The following RNH1 variants were observed in gnomAD, a reference collection of about 807,000 sequenced individuals.
RNH1 encodes ribonuclease/angiogenin inhibitor 1, also known as ribonuclease inhibitor.
A neutral mutation model predicts 46.1 loss-of-function variants in RNH1; 38 were observed. That is an observed-to-expected ratio of 0.82 (90% CI 0.64 to 1.08). The LOEUF is 1.08. Among genes scored for constraint, RNH1 ranks in the 50% least tolerant of loss-of-function variants. The pLI is 0.00. For missense variants in RNH1, 577 were observed against 590.7 expected, an observed-to-expected ratio of 0.98 and a Z score of 0.24; for synonymous variants, 319 against 279.1, an observed-to-expected ratio of 1.14 and a Z score of -1.43.
chr11:506,222 CTT>C (rs1416843264), intron 1 of RNH1: 1 of 152,212 alleles, frequency 6.6e-6, no homozygotes, highest in Non-Finnish European at 1.5e-5. Context: ...TAAGACGACA[CTT>C]GAGACCGTTT....
At position 497,473 on chromosome 11, in the gene RNH1, G is replaced by GC. The variant is rs1264801932; in HGVS notation, c.1127+497dup. 3.8e-5 allele frequency among the ~76,000 whole-genome samples: 5 copies of GC among 130,960 alleles called. No individual in the cohort carries two copies. The Admixed American group carries it at 4.1e-4, about 11-fold the overall frequency. The allele number at this position is 130,960 out of a possible 152,430, so 85.9% of individuals were successfully genotyped here. On this transcript the variant is annotated intron_variant, in intron 9 of 10. Transcript: ENST00000354420. ...CTCACACACACTCGTGCTCCCTCTCGCCCATGTGCTCACACTCACACGGAC... is the reference window on the plus strand; with the variant it reads ...CTCACACACACTCGTGCTCCCTCTCGCCCCATGTGCTCACACTCACACGGAC...
In RNH1 at chr11:498,440, C is replaced by G. The variant is rs747324932; in HGVS notation, c.956+17G>C. The stretch of plus-strand genomic sequence containing the variant: ...CTCTCTTGGGCGACAGGGCCCTGCC[C>G]CGACAGCCACACTCACCACAGCGAC... On this transcript the variant is annotated intron_variant, in intron 8 of 10. Transcript: ENST00000354420. 1.9e-6 allele frequency: 3 copies of G among 1,610,556 alleles called. No individual in the cohort carries two copies. Among genetic ancestry groups the G allele is most frequent in the East Asian group, 2.2e-5 (1 of 44,878 alleles).
intron 9 of RNH1, among the ~76,000 whole-genome samples, chr11:496,467 A>C (rs187392758): frequency 6.6e-6 from 1 of 152,208 alleles, no homozygotes; most frequent in Non-Finnish European, 1.5e-5. Context: ...CAGGATATCA[A>C]GACCATACTG....
At chr11:499,254 CG>C in intron 5 of RNH1, 69 bp from the exon 6 acceptor site, 1 of 1,553,140 alleles carries the variant, frequency 6.4e-7, no homozygotes, top group Admixed American at 1.7e-5. Context: ...CCAGGGAGCA[CG>C]GGGTGTGCTG....
At chr11:497,864 ACACG>A in intron 9 of RNH1, 103 bp downstream of exon 9, 1 of 1,370,054 alleles carries the variant, frequency 7.3e-7, no homozygotes. Context: ...GCTCACATAC[ACACG>A]GACACTCGTG....
At chr11:504,491 G>C (rs532317212) in intron 2 of RNH1, 1 of 152,090 alleles carries the variant, frequency 6.6e-6, no homozygotes, top group African/African-American at 2.4e-5. Flanking sequence ...AGGCGGGGGC[G>C]GGCGGAGCCT....
At position 498,696 on chromosome 11, in the gene RNH1, G is replaced by A. The variant is rs529567422; in HGVS notation, c.785+67C>T. The A allele has an allele frequency of 5.6e-6, 9 of 1,597,496 alleles. No homozygotes were observed. In the East Asian group the frequency reaches 1.8e-4, roughly 32 times the overall value. On this transcript the variant is annotated intron_variant, in intron 7 of 10. Transcript: ENST00000354420. ...ATGGCCTGAGATGAGCCCAGGGGCG[G>A]GGGAGAGCTCTGAGGACGGCCCGCC...
Position 499,888 on chromosome 11 carries a change from C to G in RNH1, c.384G>C (p.Ala128=). 1 of 1,613,270 alleles carries G rather than the reference C, an allele frequency of 6.2e-7. No individual in the cohort carries two copies. The highest frequency in any genetic ancestry group is 8.5e-7 in the Non-Finnish European group (1 of 1,179,924). Residue 128 remains alanine, a synonymous_variant, in exon 5 of 11, where the codon GCG becomes GCC. Transcript: ENST00000354420. The part of the protein sequence containing the change: ...LHLSDNLLGD[A]GLQLLCEGLL... ...GTCCTTCGCAGAGCAGCTGCAGGCCCGCATCCCCCAAGAGGTTGTCGCTGA... is the reference window on the plus strand; with the variant it reads ...GTCCTTCGCAGAGCAGCTGCAGGCCGGCATCCCCCAAGAGGTTGTCGCTGA...
At chr11:499,615 A>G (rs1446018678) in intron 5 of RNH1, 4 of 726,670 alleles carry the variant, frequency 5.5e-6, no homozygotes, top group Non-Finnish European at 7.4e-6. Flanking sequence ...ATGGGGAGGG[A>G]GGGTGATGAC....
At position 502,408 on chromosome 11, in the gene RNH1, C is replaced by T. The variant is rs1849830635; in HGVS notation, c.-87-159G>A. ...CAGCACCCACCCCCAGAAAGGCCAC[C>T]ATGGGCAGCAGAGCTTGGGTAATGC... On this transcript the variant is annotated intron_variant, in intron 2 of 10. Coordinates refer to ENST00000354420, the MANE Select transcript of RNH1 (RefSeq NM_203387.3). The surrounding 1 kb of genome is among the most constrained non-coding windows in gnomAD (Gnocchi z 5.8). 1 of 570,352 alleles carries T rather than the reference C, an allele frequency of 1.8e-6. No individual in the cohort carries two copies. 35.3% of individuals were successfully genotyped at this position (570,352 alleles called of 1,614,324 possible). A position where few individuals can be genotyped will look rare whatever the true frequency, so the allele number is the denominator to read the frequency against.
intron 9 of RNH1, among the ~76,000 whole-genome samples, chr11:497,195 A>G (rs1849178821): frequency 7.9e-6 from 1 of 126,878 alleles, no homozygotes; most frequent in Admixed American, 7.9e-5. Flanking sequence ...ACTCGTGCTC[A>G]CTCTCACCCA....
intron 8 of RNH1, 140 bp downstream of exon 8, chr11:498,317 G>C: frequency 7.8e-7 from 1 of 1,286,870 alleles, no homozygotes; most frequent in Non-Finnish European, 1.1e-6. Flanking sequence ...CAAACCACAG[G>C]CTGCTCCCTG....
rs761831265 is a variant in RNH1, at chr11:494,862, C to T, written c.1298+21G>A. The T allele has an allele frequency of 1.1e-5, 18 of 1,611,518 alleles. No individual in the cohort carries two copies. In the South Asian group the frequency reaches 1.9e-4, roughly 17 times the overall value. ...CCCTGGGCAGCCCTGGCCGCACCAC[C>T]CGCCCAGCGCGTGCACATACACCAG... On this transcript the variant is annotated intron_variant, in intron 10 of 10. Transcript: ENST00000354420.
At chr11:497,211 T>A (rs1590724685) in intron 9 of RNH1, among the ~76,000 whole-genome samples, 1 of 130,248 alleles carries the variant, frequency 7.7e-6, no homozygotes, top group South Asian at 2.3e-4. Context: ...ACCCATGTGC[T>A]CACGTACTCT....
rs1849724157 is a variant in RNH1 at position 501,215 on chromosome 11, C to T, written c.102-561G>A. On this transcript the variant is annotated intron_variant, in intron 3 of 10. Coordinates refer to ENST00000354420, the MANE Select transcript of RNH1 (RefSeq NM_203387.3). The surrounding 1 kb of genome is among the most constrained non-coding windows in gnomAD (Gnocchi z 4.1). ...TCACAGTGGAGAGGGTGGCAGACGGCGCCTGTGACAGGACGCTCCTGGCAG... is the reference window on the plus strand; with the variant it reads ...TCACAGTGGAGAGGGTGGCAGACGGTGCCTGTGACAGGACGCTCCTGGCAG... The T allele has an allele frequency of 2.4e-5, 5 of 205,992 alleles. No individual in the cohort carries two copies. The highest frequency in any genetic ancestry group is 2.2e-3 in the Middle Eastern group (1 of 456). 12.8% of individuals were successfully genotyped at this position (205,992 alleles called of 1,614,324 possible).
In RNH1 at chr11:498,169, G is replaced by A. The variant is rs564863081; in HGVS notation, c.957-28C>T. The A allele has an allele frequency of 2.2e-4, 350 of 1,597,384 alleles. 5 individuals carry two copies. The South Asian group carries it at 3.7e-3, about 17-fold the overall frequency. On this transcript the variant is annotated intron_variant, in intron 8 of 10. Coordinates refer to ENST00000354420, the MANE Select transcript of RNH1 (RefSeq NM_203387.3). ...GTGGACACAGACAGGACTGACGCCT[G>A]GCAGGGGCCCAGGCTGGCCCACAGC...
rs71022920 is a variant in RNH1, at chr11:502,129, A to ACTGGATGTCCAGGCT, written c.19_33dup (p.Ser7_Gln11dup). On this transcript the variant is annotated inframe_insertion, in exon 3 of 11. Coordinates refer to ENST00000354420, the MANE Select transcript of RNH1 (RefSeq NM_203387.3). The surrounding 1 kb of genome is among the most constrained non-coding windows in gnomAD (Gnocchi z 5.8). ...CATCTAGCGTCGCTCAGCTCCTCAC[A>ACTGGATGTCCAGGCT]CTGGATGTCCAGGCTCTGGATGTCC... 6.8e-6 allele frequency: 11 copies of ACTGGATGTCCAGGCT among 1,610,174 alleles called. No individual in the cohort carries two copies. Among genetic ancestry groups the ACTGGATGTCCAGGCT allele is most frequent in the Non-Finnish European group, 8.5e-6 (10 of 1,178,406 alleles).
Position 502,192 on chromosome 11 carries a change from G to A in RNH1, c.-30C>T. 2 of 1,558,172 alleles carry A rather than the reference G, an allele frequency of 1.3e-6. No homozygotes were observed. Among genetic ancestry groups the A allele is most frequent in the Non-Finnish European group, 1.8e-6 (2 of 1,137,948 alleles). The stretch of plus-strand genomic sequence containing the variant: ...GAGGTGAAGAGTGGCCTGGGTGGGA[G>A]GCAGAGGGAAGAGGACGTCTTGGCC... On this transcript the variant is annotated 5_prime_UTR_variant, in exon 3 of 11. Coordinates refer to ENST00000354420, the MANE Select transcript of RNH1 (RefSeq NM_203387.3). The surrounding 1 kb of genome is among the most constrained non-coding windows in gnomAD (Gnocchi z 5.8).
intron 8 of RNH1, 26 bp downstream of exon 8, chr11:498,431 G>A (rs1202078437): frequency 3.7e-6 from 6 of 1,608,692 alleles, no homozygotes; most frequent in Middle Eastern, 1.6e-4. Flanking sequence ...TGGGCGACAG[G>A]GCCCTGCCCC....
Sources: allele counts gnomAD v4.1 joint callset (sites outside exome capture counted in the v4.1 genomes callset), GRCh38; gene constraint gnomAD v4.1.1; non-coding constraint Gnocchi (gnomAD v3.1); transcripts MANE v1.5; gene names NCBI Gene and HGNC (gene_info 2026-07-23, HGNC 2026-07-21).